Variants in UTP20 observed in about 807,000 individuals in gnomAD.
UTP20 encodes UTP20 small subunit processome component, also known as small subunit processome component 20 homolog.
A neutral mutation model predicts 329.5 loss-of-function variants in UTP20; 164 were observed. The observed-to-expected ratio is 0.50, with a 90% CI of 0.44 to 0.57. The LOEUF is 0.57. Ranked by LOEUF, UTP20 falls within the 20% of genes least tolerant of loss-of-function variation. UTP20 has a pLI of 0.00. For synonymous variants in UTP20, 1,151 were observed against 1,159.3 expected, an observed-to-expected ratio of 0.99 and a Z score of 0.14; for missense variants, 3,055 against 3,284.2, an observed-to-expected ratio of 0.93 and a Z score of 1.71.
intron 38 of UTP20, among the ~76,000 whole-genome samples, chr12:101,349,202 T>C (rs900892573): frequency 6.6e-6 from 1 of 152,034 alleles, no homozygotes; most frequent in Non-Finnish European, 1.5e-5. Context: ...TGTTATTGTA[T>C]GGCCTGGCCC....
In UTP20 at chr12:101,369,843, C is replaced by G. The variant is rs563073918; in HGVS notation, c.6507C>G (p.Leu2169=). ...LFLLLKDYAK[L]GAARGQNFHL... is the part of the protein sequence containing the mutation. Reference sequence around the variant, plus strand: ...TTCTGCTGAAGGACTATGCAAAGCTCGGGGCCGCCAGGGGCCAGAACTTCC... The same window carrying G: ...TTCTGCTGAAGGACTATGCAAAGCTGGGGGCCGCCAGGGGCCAGAACTTCC... Residue 2169 remains leucine (L), a synonymous_variant, in exon 49 of 62, where the codon CTC becomes CTG. Coordinates refer to ENST00000261637, the MANE Select transcript of UTP20 (RefSeq NM_014503.3). 6.2e-7 allele frequency: 1 copy of G among 1,613,954 alleles called. No homozygotes were observed. The highest frequency in any genetic ancestry group is 1.7e-5 in the Admixed American group (1 of 59,996).
At chr12:101,280,479 T>A in intron 1 of UTP20, 152 bp downstream of exon 1, 1 of 965,378 alleles carries the variant, frequency 1.0e-6, no homozygotes, top group Non-Finnish European at 1.5e-6. Flanking sequence ...CTGGATGTAG[T>A]AAACATGGGT....
rs963923158 is a variant in UTP20 at position 101,373,864 on chromosome 12, T to G, written c.7131+97T>G. ...ATGTCATACACTGTTGAATTGGTTTTTTTCCCAAATAGTGTTATTTTTGTC... is the reference window on the plus strand; with the variant it reads ...ATGTCATACACTGTTGAATTGGTTTGTTTCCCAAATAGTGTTATTTTTGTC... On this transcript the variant is annotated intron_variant, in intron 54 of 61. Coordinates refer to ENST00000261637, the MANE Select transcript of UTP20 (RefSeq NM_014503.3). 3.0e-6 allele frequency: 4 copies of G among 1,335,082 alleles called. No homozygotes were observed. In the African/African-American group the frequency reaches 4.5e-5, roughly 15 times the overall value. 82.7% of individuals were successfully genotyped at this position (1,335,082 alleles called of 1,614,324 possible). A position where few individuals can be genotyped will look rare whatever the true frequency, so the allele number is the denominator to read the frequency against.
rs113653424 is a variant in UTP20, at chr12:101,309,892, G to T, written c.2231+53G>T. The T allele has an allele frequency of 1.0e-5, 15 of 1,495,974 alleles. No individual in the cohort carries two copies. In the African/African-American group the frequency reaches 1.5e-4, roughly 15 times the overall value. The allele number at this position is 1,495,974 out of a possible 1,614,324, so 92.7% of individuals were successfully genotyped here. On this transcript the variant is annotated intron_variant, in intron 19 of 61. Transcript: ENST00000261637. ...TATTATACTTTAACTACTGCAGAATGATGGGGCCCAGATTATTCTCCTTCT... is the reference window on the plus strand; with the variant it reads ...TATTATACTTTAACTACTGCAGAATTATGGGGCCCAGATTATTCTCCTTCT...
At chr12:101,317,703 C>A in intron 22 of UTP20, 40 bp downstream of exon 22, 1 of 1,554,998 alleles carries the variant, frequency 6.4e-7, no homozygotes, top group South Asian at 1.2e-5. Flanking sequence ...ATCCACAGTT[C>A]TGGGAGGAAC....
In UTP20 at chr12:101,338,083, G is replaced by A. The variant is rs2137274199; in HGVS notation, c.3674G>A (p.Gly1225Glu). ...YFPLLAKQKP[G>E]HPECDILTNV... The stretch of plus-strand genomic sequence containing the variant: ...CCTTTGCTGGCTAAACAGAAGCCTG[G>A]GCACCCAGAATGTGATATCCTGACC... Residue 1225 changes from glycine (G) to glutamate (E), a missense_variant, in exon 30 of 62, where the codon GGG becomes GAG. Coordinates refer to ENST00000261637, the MANE Select transcript of UTP20 (RefSeq NM_014503.3). 1.9e-6 allele frequency: 3 copies of A among 1,614,070 alleles called. No homozygotes were observed. Among genetic ancestry groups the A allele is most frequent in the Non-Finnish European group, 2.5e-6 (3 of 1,179,992 alleles).
At position 101,300,144 on chromosome 12, in the gene UTP20, T is replaced by C. The variant is rs566316262; in HGVS notation, c.1675+83T>C. 7.1e-5 allele frequency: 94 copies of C among 1,316,260 alleles called. No homozygotes were observed. In the South Asian group the frequency reaches 1.1e-3, roughly 15 times the overall value. The allele number at this position is 1,316,260 out of a possible 1,614,324, so 81.5% of individuals were successfully genotyped here. On this transcript the variant is annotated intron_variant, in intron 14 of 61. Transcript: ENST00000261637. ...TGTAAACACATGAGCTATTAGAGAA[T>C]AATACTTACATTGTGTTCTGGCATA...
In UTP20 at chr12:101,353,044, C is replaced by A; in HGVS notation, c.5025-3C>A. On this transcript the variant is annotated splice_region_variant and splice_polypyrimidine_tract_variant and intron_variant, in intron 39 of 61. Coordinates refer to ENST00000261637, the MANE Select transcript of UTP20 (RefSeq NM_014503.3). The stretch of plus-strand genomic sequence containing the variant: ...CATTTCTGTATACTTTTTTTTTTAA[C>A]AGTTTGCTAGTAATAGTGTTAGAAG... 3 of 1,520,910 alleles carry A rather than the reference C, an allele frequency of 2.0e-6. No individual in the cohort carries two copies. Among genetic ancestry groups the A allele is most frequent in the Admixed American group, 1.9e-5 (1 of 52,672 alleles). 94.2% of individuals were successfully genotyped at this position (1,520,910 alleles called of 1,614,324 possible).
In UTP20 at chr12:101,285,731, T is replaced by A. The variant is rs1871940571; in HGVS notation, c.194-18T>A. On this transcript the variant is annotated intron_variant, in intron 3 of 61. Transcript: ENST00000261637. ...GTGGTGTGATAGAAAAGAACATATT[T>A]TTTTTTCCCCCACTCAGGAAAATTT... is the stretch of plus-strand genomic sequence containing the variant. 6.2e-7 allele frequency: 1 copy of A among 1,613,278 alleles called. No homozygotes were observed. Among genetic ancestry groups the A allele is most frequent in the South Asian group, 1.1e-5 (1 of 91,020 alleles).
At chr12:101,349,888 T>G (rs990093477) in intron 38 of UTP20, among the ~76,000 whole-genome samples, 4 of 151,578 alleles carry the variant, frequency 2.6e-5, no homozygotes, top group Non-Finnish European at 5.9e-5. Flanking sequence ...TTTTTCATCT[T>G]TTTTTTTTCT....
At position 101,285,577 on chromosome 12, in the gene UTP20, A is replaced by C. The variant is rs766639911; in HGVS notation, c.134A>C (p.Glu45Ala). The change falls in exon 3 of 62, where the codon GAA becomes GCA. Residue 45 changes from glutamate to alanine, a missense_variant. Physicochemically the swap from Glu to Ala is moderately radical, Grantham distance 107. Transcript: ENST00000261637. ...DRTASYEEEVETYFFEGLLKW... is the reference protein window; with the variant it reads ...DRTASYEEEVATYFFEGLLKW... ...CTGCTTTAATCTTGACAGGAGGTTG[A>C]AACCTACTTTTTTGAGGGTCTGCTG... The C allele has an allele frequency of 4.3e-6, 7 of 1,613,648 alleles. No individual in the cohort carries two copies. The highest frequency in any genetic ancestry group is 5.9e-6 in the Non-Finnish European group (7 of 1,179,814).
chr12:101,355,263 C>T, intron 41 of UTP20, 145 bp downstream of exon 41: 1 of 900,094 alleles, frequency 1.1e-6, no homozygotes, highest in South Asian at 1.8e-5. Context: ...CACCCCTCTA[C>T]TCTTATCTCT....
Position 101,299,735 on chromosome 12 carries a change from C to T in UTP20, c.1484C>T (p.Pro495Leu). ...TRSKGRNEQF[P>L]VLDHLLSIIK... is the part of the protein sequence containing the mutation. ...TCCAAGGGAAGAAACGAACAGTTTC[C>T]AGTATTGGACCATCTTTTATCTATA... The change falls in exon 13 of 62, where the codon CCA becomes CTA. Residue 495 changes from proline (P) to leucine (L), a missense_variant. Transcript: ENST00000261637. 1 of 1,610,374 alleles carries T rather than the reference C, an allele frequency of 6.2e-7. No homozygotes were observed. Among genetic ancestry groups the T allele is most frequent in the Non-Finnish European group, 8.5e-7 (1 of 1,178,812 alleles).
intron 12 of UTP20, among the ~76,000 whole-genome samples, chr12:101,296,612 G>T (rs559009682): frequency 6.6e-6 from 1 of 150,972 alleles, no homozygotes; most frequent in South Asian, 2.1e-4. Context: ...GGTGGGTGTG[G>T]TAGCGGGCGC....
intron 43 of UTP20, among the ~76,000 whole-genome samples, chr12:101,357,314 TTC>T (rs1331414853): frequency 6.6e-6 from 1 of 152,212 alleles, no homozygotes; most frequent in Non-Finnish European, 1.5e-5. Context: ...ACCTATTTTT[TTC>T]TCTCAAATTA....
chr12:101,329,126 C>T (rs1868667659), intron 26 of UTP20, 115 bp from the exon 27 acceptor site: 1 of 878,200 alleles, frequency 1.1e-6, no homozygotes, highest in South Asian at 1.8e-5. Flanking sequence ...TATAAATTAC[C>T]ATGACAGTAG....
intron 14 of UTP20, among the ~76,000 whole-genome samples, chr12:101,301,866 C>T (rs970013215): frequency 1.8e-4 from 28 of 152,116 alleles, no homozygotes; most frequent in African/African-American, 4.3e-4. Flanking sequence ...GACCATTATA[C>T]TTGGTACTCA....
intron 57 of UTP20, among the ~76,000 whole-genome samples, chr12:101,380,393 AG>A (rs1377408620): frequency 6.8e-6 from 1 of 147,794 alleles, no homozygotes; most frequent in African/African-American, 2.4e-5. Context: ...ACAAAAAGAA[AG>A]AAAGAAAAGA....
chr12:101,294,072 G>C (rs1212792767), intron 11 of UTP20, among the ~76,000 whole-genome samples: 6 of 151,522 alleles, frequency 4.0e-5, no homozygotes, highest in African/African-American at 9.7e-5. Context: ...GTCTCACTCT[G>C]TCGCCCAGGC....
Sources: allele counts gnomAD v4.1 joint callset (sites outside exome capture counted in the v4.1 genomes callset), GRCh38; gene constraint gnomAD v4.1.1; transcripts MANE v1.5; gene names NCBI Gene and HGNC (gene_info 2026-07-23, HGNC 2026-07-21).